Variants in LGR4 observed in about 807,000 individuals in gnomAD.
LGR4 encodes the protein leucine-rich repeat-containing G protein-coupled receptor 4.
A neutral mutation model predicts 84.8 loss-of-function variants in LGR4; 44 were observed. The observed-to-expected ratio is 0.52, with a 90% CI of 0.41 to 0.67. LGR4 has a LOEUF of 0.67. Ranked by LOEUF, LGR4 falls within the 30% of genes least tolerant of loss-of-function variation. The pLI is 0.00. For missense variants in LGR4, 1,032 were observed against 1,131.4 expected (o/e 0.91, Z 1.26); for synonymous variants, 429 against 434.3 (o/e 0.99, Z 0.15).
intron 1 of LGR4, among the ~76,000 whole-genome samples, chr11:27,443,195 T>A (rs1320525742): frequency 6.6e-6 from 1 of 152,134 alleles, no homozygotes; most frequent in Non-Finnish European, 1.5e-5. Context: ...CCAAACCCCA[T>A]CTCCCACTCC....
rs1470719803 is a variant in LGR4 at position 27,367,560 on chromosome 11, T to C, written c.*307A>G. 1 of 210,270 alleles carries C rather than the reference T, an allele frequency of 4.8e-6. No homozygotes were observed. Among genetic ancestry groups the C allele is most frequent in the East Asian group, 1.1e-4 (1 of 9,336 alleles). The allele number at this position is 210,270 out of a possible 1,614,324, so 13.0% of individuals were successfully genotyped here. A position where few individuals can be genotyped will look rare whatever the true frequency, so the allele number is the denominator to read the frequency against. Reference sequence around the variant, plus strand: ...TGCTTAATACACAAATAGGTATAAATTTGCTTCTTATGGATCAGAAAAAAC... The same window carrying C: ...TGCTTAATACACAAATAGGTATAAACTTGCTTCTTATGGATCAGAAAAAAC... On this transcript the variant is annotated 3_prime_UTR_variant, in exon 18 of 18. Transcript: ENST00000379214.
intron 12 of LGR4, 134 bp from the exon 13 acceptor site, chr11:27,376,504 T>C: frequency 4.2e-6 from 2 of 481,654 alleles, no homozygotes; most frequent in Non-Finnish European, 7.4e-6. Flanking sequence ...ATAACATTTC[T>C]TAGTTGAGTT....
At chr11:27,414,909 G>C (rs1863784877) in intron 1 of LGR4, among the ~76,000 whole-genome samples, 1 of 152,062 alleles carries the variant, frequency 6.6e-6, no homozygotes, top group African/African-American at 2.4e-5. Flanking sequence ...ATTATATACT[G>C]ATTCACCCTT....
At chr11:27,429,357 T>C (rs955956218) in intron 1 of LGR4, among the ~76,000 whole-genome samples, 2 of 151,776 alleles carry the variant, frequency 1.3e-5, no homozygotes, top group Non-Finnish European at 2.9e-5. Context: ...TGGTGGCAGG[T>C]ACCTGTAGTC....
At chr11:27,444,877 G>A (rs968432647) in intron 1 of LGR4, among the ~76,000 whole-genome samples, 1 of 152,128 alleles carries the variant, frequency 6.6e-6, no homozygotes, top group Non-Finnish European at 1.5e-5. Context: ...TAATGTGACA[G>A]CTTTCTTGCC....
At chr11:27,400,173 T>G (rs1863471981) in intron 2 of LGR4, among the ~76,000 whole-genome samples, 1 of 152,114 alleles carries the variant, frequency 6.6e-6, no homozygotes, top group Non-Finnish European at 1.5e-5. Flanking sequence ...GATATTCAGA[T>G]TTAGGATGCT....
At chr11:27,408,648 G>T (rs1863656119) in intron 2 of LGR4, among the ~76,000 whole-genome samples, 1 of 152,112 alleles carries the variant, frequency 6.6e-6, no homozygotes, top group South Asian at 2.1e-4. Flanking sequence ...TCAGGCAGCA[G>T]AGCCTGTCAA....
At chr11:27,424,053 T>C (rs1458351851) in intron 1 of LGR4, among the ~76,000 whole-genome samples, 2 of 152,216 alleles carry the variant, frequency 1.3e-5, no homozygotes, top group African/African-American at 4.8e-5. Flanking sequence ...AATTTCTCAA[T>C]TCTGCAGTTG....
At chr11:27,386,742 CTGG>C (rs139631313) in intron 4 of LGR4, among the ~76,000 whole-genome samples, 3,023 of 152,178 alleles carry the variant, frequency 0.02, 97 homozygotes, top group African/African-American at 0.069. Flanking sequence ...ATCATTGGTC[CTGG>C]TGAGTATCTG....
intron 11 of LGR4, among the ~76,000 whole-genome samples, chr11:27,378,053 C>T (rs1863021966): frequency 6.6e-6 from 1 of 152,032 alleles, no homozygotes; most frequent in Admixed American, 6.6e-5. Flanking sequence ...AAGAAACCAC[C>T]GAGGTTTGTG....
intron 1 of LGR4, among the ~76,000 whole-genome samples, chr11:27,435,323 ACT>A (rs1864189527): frequency 1.3e-5 from 2 of 151,566 alleles, no homozygotes; most frequent in African/African-American, 2.4e-5. Context: ...ACAGAGTGAG[ACT>A]CTGTCTCAAA....
At chr11:27,408,983 T>G (rs1335881759) in intron 2 of LGR4, among the ~76,000 whole-genome samples, 1 of 151,936 alleles carries the variant, frequency 6.6e-6, no homozygotes, top group South Asian at 2.1e-4. Context: ...TCCCAACAGG[T>G]GTTGGGGGAG....
chr11:27,374,604 G>A (rs558401440), intron 13 of LGR4, among the ~76,000 whole-genome samples: 73 of 152,206 alleles, frequency 4.8e-4, no homozygotes, highest in African/African-American at 1.7e-3. Flanking sequence ...TGATATTATA[G>A]AATTAATAAA....
intron 1 of LGR4, among the ~76,000 whole-genome samples, chr11:27,461,357 AT>A (rs1333636871): frequency 1.9e-4 from 29 of 152,044 alleles, no homozygotes; most frequent in African/African-American, 2.4e-4. Context: ...AAAAAAAAAA[AT>A]AACACATAGG....
chr11:27,458,865 G>A (rs1864623532), intron 1 of LGR4, among the ~76,000 whole-genome samples: 1 of 152,134 alleles, frequency 6.6e-6, no homozygotes. Context: ...GAAAGTCAGG[G>A]AAGCAGTCAA....
At chr11:27,428,349 G>T (rs1346265913) in intron 1 of LGR4, among the ~76,000 whole-genome samples, 1 of 152,090 alleles carries the variant, frequency 6.6e-6, no homozygotes, top group African/African-American at 2.4e-5. Context: ...ATGTTGGCCA[G>T]GCTGGTCTCA....
intron 3 of LGR4, 118 bp downstream of exon 3, chr11:27,392,329 C>G (rs1863300802): frequency 1.4e-5 from 11 of 767,246 alleles, no homozygotes; most frequent in Admixed American, 3.5e-5. Flanking sequence ...ACTGGCCACT[C>G]CTTAAATCTT....
chr11:27,452,749 G>A (rs111548869), intron 1 of LGR4, among the ~76,000 whole-genome samples: 19 of 146,102 alleles, frequency 1.3e-4, no homozygotes, highest in African/African-American at 3.3e-4. Flanking sequence ...TCAGCCTCCC[G>A]AGTAGCTGGG....
In LGR4 at chr11:27,457,272, T is replaced by A. The variant is rs187000819; in HGVS notation, c.185+14846A>T. Among the ~76,000 whole-genome samples, 62 of 152,296 alleles carry A rather than the reference T, an allele frequency of 4.1e-4. No individual in the cohort carries two copies. The East Asian group carries it at 0.01, about 26-fold the overall frequency. On this transcript the variant is annotated intron_variant, in intron 1 of 17. Coordinates refer to ENST00000379214, the MANE Select transcript of LGR4 (RefSeq NM_018490.5). ...AATTCTTCACTAAATATCCATTTTT[T>A]AAAAAAATCAGACATTCCAAATATG...
Sources: allele counts gnomAD v4.1 joint callset (sites outside exome capture counted in the v4.1 genomes callset), GRCh38; gene constraint gnomAD v4.1.1; transcripts MANE v1.5; gene names NCBI Gene and HGNC (gene_info 2026-07-23, HGNC 2026-07-21).